The following NCOA3 variants were observed in gnomAD, a reference collection of about 807,000 sequenced individuals.
NCOA3 encodes CBP-interacting protein.
Under a neutral mutation model 158.8 loss-of-function variants are expected in NCOA3, and 51 were observed. That is an observed-to-expected ratio of 0.32 (90% confidence interval 0.26 to 0.41). The LOEUF is 0.41. Among genes scored for constraint, NCOA3 ranks in the 10% least tolerant of loss-of-function variants. NCOA3 has a pLI of 1.00. For synonymous variants in NCOA3, 537 were observed against 592.4 expected (o/e 0.91, Z 1.36); for missense variants, 1,510 against 1,746.6 (o/e 0.86, Z 2.41).
chr20:47,608,640 CAAA>C (rs148545557), intron 2 of NCOA3, among the ~76,000 whole-genome samples: 36 of 98,616 alleles, frequency 3.7e-4, no homozygotes, highest in Admixed American at 6.0e-4. Flanking sequence ...ACCCTGTCTC[CAAA>C]AAAAAAAAAA....
intron 1 of NCOA3, among the ~76,000 whole-genome samples, chr20:47,556,696 G>C (rs949003244): frequency 5.9e-5 from 9 of 152,124 alleles, no homozygotes; most frequent in African/African-American, 2.2e-4. Context: ...CTAATTTTTT[G>C]TATTTTTAAT....
chr20:47,629,331 C>CTT (rs754326972), intron 8 of NCOA3, among the ~76,000 whole-genome samples: 3 of 142,938 alleles, frequency 2.1e-5, no homozygotes, highest in Non-Finnish European at 4.6e-5. Context: ...ATGGATGTTA[C>CTT]TTTTTTTTTT....
intron 1 of NCOA3, among the ~76,000 whole-genome samples, chr20:47,528,675 GA>G (rs201047715): frequency 4.6e-5 from 7 of 151,258 alleles, no homozygotes; most frequent in African/African-American, 1.2e-4. Flanking sequence ...AAGCTGATGA[GA>G]AAAAAAAATC....
At chr20:47,566,137 G>A (rs1321509265) in intron 1 of NCOA3, among the ~76,000 whole-genome samples, 5 of 152,068 alleles carry the variant, frequency 3.3e-5, no homozygotes, top group Non-Finnish European at 1.5e-5. Context: ...TGGCCAGGCT[G>A]GTCTCGAACT....
chr20:47,536,238 C>T (rs1381022798), intron 1 of NCOA3, among the ~76,000 whole-genome samples: 1 of 152,194 alleles, frequency 6.6e-6, no homozygotes, highest in African/African-American at 2.4e-5. Flanking sequence ...CTGCCCTTCT[C>T]CCATATCAAG....
intron 1 of NCOA3, among the ~76,000 whole-genome samples, chr20:47,524,413 A>G (rs1010196666): frequency 7.2e-5 from 11 of 152,164 alleles, no homozygotes; most frequent in Non-Finnish European, 1.5e-4. Context: ...GGACAGATTT[A>G]AAGTTGAAAT....
At position 47,636,354 on chromosome 20, in the gene NCOA3, C is replaced by T. The variant is rs1185020695; in HGVS notation, c.1968C>T (p.Pro656=). The change falls in exon 12 of 23, where the codon CCC becomes CCT. Residue 656 remains proline, a synonymous_variant. Coordinates refer to ENST00000371998, the MANE Select transcript of NCOA3 (RefSeq NM_181659.3). ...CKESSVSVTS[P]SGVSSSTSGG... ...AATCTTCTGTTAGTGTCACCAGCCC[C>T]TCTGGAGTCTCCTCCTCTACATCTG... 1.2e-6 allele frequency: 2 copies of T among 1,614,200 alleles called. No individual in the cohort carries two copies. The highest frequency in any genetic ancestry group is 2.7e-5 in the African/African-American group (2 of 75,050).
intron 1 of NCOA3, among the ~76,000 whole-genome samples, chr20:47,562,223 A>G (rs1480147630): frequency 6.6e-6 from 1 of 152,202 alleles, no homozygotes; most frequent in Non-Finnish European, 1.5e-5. Context: ...ACCTGTGTAT[A>G]GGTTTTTGTG....
At chr20:47,534,706 G>A (rs1028962766) in intron 1 of NCOA3, among the ~76,000 whole-genome samples, 8 of 152,156 alleles carry the variant, frequency 5.3e-5, no homozygotes, top group African/African-American at 1.9e-4. Flanking sequence ...CTTGAGCTTA[G>A]GAGTTCAAGA....
chr20:47,639,487 T>C (rs1025168654), intron 14 of NCOA3, 90 bp from the exon 15 acceptor site: 2 of 1,509,338 alleles, frequency 1.3e-6, no homozygotes, highest in African/African-American at 1.4e-5. Context: ...TTTGTCAAGG[T>C]TGATGTTGTG....
rs189159596 is a variant in NCOA3, at chr20:47,596,589, T to C, written c.-20+13328T>C. ...TACTTTAGAAAAAGTAAATTTTCTTTCTTTTTTTAAATTTTAGACAGGGTC... is the reference window on the plus strand; with the variant it reads ...TACTTTAGAAAAAGTAAATTTTCTTCCTTTTTTTAAATTTTAGACAGGGTC... On this transcript the variant is annotated intron_variant, in intron 2 of 22. Transcript: ENST00000371998. Among the ~76,000 whole-genome samples, 7 of 152,330 alleles carry C rather than the reference T, an allele frequency of 4.6e-5. No individual in the cohort carries two copies. The East Asian group carries it at 1.3e-3, about 29-fold the overall frequency.
chr20:47,638,366 C>T (rs528480597), intron 13 of NCOA3, among the ~76,000 whole-genome samples: 25 of 152,234 alleles, frequency 1.6e-4, no homozygotes, highest in Admixed American at 1.2e-3. Flanking sequence ...GCCAAGATTG[C>T]GCCACTGCAC....
intron 1 of NCOA3, among the ~76,000 whole-genome samples, chr20:47,554,057 C>A (rs1183044250): frequency 6.6e-6 from 1 of 152,154 alleles, no homozygotes; most frequent in African/African-American, 2.4e-5. Context: ...CTCTCCAGCA[C>A]CTGTTGTTTC....
intron 1 of NCOA3, among the ~76,000 whole-genome samples, chr20:47,515,905 T>A (rs1039372473): frequency 6.6e-6 from 1 of 152,236 alleles, no homozygotes; most frequent in Non-Finnish European, 1.5e-5. Flanking sequence ...AAGAAAACTT[T>A]AAGTTTTCAC....
At chr20:47,649,243 T>G in intron 19 of NCOA3, 134 bp downstream of exon 19, 1 of 545,832 alleles carries the variant, frequency 1.8e-6, no homozygotes, top group Non-Finnish European at 3.2e-6. Context: ...AGCAGTCGCA[T>G]TAAAGACTTT....
intron 1 of NCOA3, among the ~76,000 whole-genome samples, chr20:47,508,810 T>C (rs1476974983): frequency 6.6e-6 from 1 of 152,218 alleles, no homozygotes; most frequent in Non-Finnish European, 1.5e-5. Flanking sequence ...TTTTGTTAGC[T>C]TGTTACTTTG....
chr20:47,595,929 T>C (rs1443252691), intron 2 of NCOA3, among the ~76,000 whole-genome samples: 1 of 152,218 alleles, frequency 6.6e-6, no homozygotes, highest in Non-Finnish European at 1.5e-5. Flanking sequence ...TTTATCACAA[T>C]ACCTCACTCA....
At chr20:47,522,548 T>C (rs1198397117) in intron 1 of NCOA3, among the ~76,000 whole-genome samples, 1 of 151,654 alleles carries the variant, frequency 6.6e-6, no homozygotes, top group Admixed American at 6.6e-5. Flanking sequence ...CTGCCACAGA[T>C]ACCAGCCAGG....
At chr20:47,525,512 G>A (rs1279930912) in intron 1 of NCOA3, among the ~76,000 whole-genome samples, 4 of 149,366 alleles carry the variant, frequency 2.7e-5, no homozygotes, top group African/African-American at 7.4e-5. Flanking sequence ...AGGGGCGGCC[G>A]GGCAGAGGCG....
Sources: allele counts gnomAD v4.1 joint callset (sites outside exome capture counted in the v4.1 genomes callset), GRCh38; gene constraint gnomAD v4.1.1; transcripts MANE v1.5; gene names NCBI Gene and HGNC (gene_info 2026-07-23, HGNC 2026-07-21).